Variants in TWIST2 observed in about 807,000 individuals in gnomAD.
TWIST2 encodes twist-related protein 2.
In TWIST2, 1 loss-of-function variant was observed where a neutral mutation model predicts 11.6. The observed-to-expected ratio is 0.09, with a 90% CI of 0.03 to 0.41. The LOEUF (loss-of-function observed/expected upper bound fraction) is 0.41, where lower values mean the gene tolerates loss of function less well. Ranked by LOEUF, TWIST2 falls within the 10% of genes least tolerant of loss-of-function variation. The pLI, the probability that TWIST2 is intolerant of heterozygous loss-of-function variation, is 0.98. For synonymous variants in TWIST2, 87 were observed against 96.6 expected, an observed-to-expected ratio of 0.90 and a Z score of 0.58; for missense variants, 168 against 226.4, an observed-to-expected ratio of 0.74 and a Z score of 1.66.
chr2:238,898,777 A>G (rs1196168294), intron 1 of TWIST2, among the ~76,000 whole-genome samples: 1 of 152,210 alleles, frequency 6.6e-6, no homozygotes, highest in African/African-American at 2.4e-5. Context: ...TGGATGGGCA[A>G]AGTCCTGGAG....
chr2:238,858,992 A>C (rs1692379193), intron 1 of TWIST2, among the ~76,000 whole-genome samples: 1 of 152,110 alleles, frequency 6.6e-6, no homozygotes, highest in Admixed American at 6.5e-5. Flanking sequence ...CGGGTGGATC[A>C]CCTGAGGTCA....
intron 1 of TWIST2, among the ~76,000 whole-genome samples, chr2:238,896,861 G>T (rs922267825): frequency 1.2e-4 from 19 of 152,210 alleles, no homozygotes; most frequent in Non-Finnish European, 2.5e-4. Flanking sequence ...TCACAGGGCA[G>T]AAGCTTCCAC....
intron 1 of TWIST2, among the ~76,000 whole-genome samples, chr2:238,870,172 C>A (rs1372429621): frequency 5.5e-4 from 41 of 74,614 alleles, no homozygotes; most frequent in Non-Finnish European, 9.4e-4. Flanking sequence ...ACACACCACA[C>A]ACCCCACACA....
At chr2:238,871,688 C>G (rs1351863392) in intron 1 of TWIST2, among the ~76,000 whole-genome samples, 4 of 135,344 alleles carry the variant, frequency 3.0e-5, no homozygotes, top group Non-Finnish European at 6.2e-5. Context: ...CCAACACACA[C>G]ACACACACGA....
intron 1 of TWIST2, among the ~76,000 whole-genome samples, chr2:238,855,038 G>A (rs1160207414): frequency 1.3e-5 from 2 of 152,180 alleles, no homozygotes; most frequent in East Asian, 3.8e-4. Context: ...CTGGACCTGC[G>A]ACTTGTCCTT....
intron 1 of TWIST2, among the ~76,000 whole-genome samples, chr2:238,870,128 A>ACACACAC (rs1168187290): frequency 2.1e-5 from 2 of 97,076 alleles, no homozygotes; most frequent in African/African-American, 6.7e-5. Flanking sequence ...CACCCCCCAC[A>ACACACAC]CACACACCAC....
In TWIST2 at chr2:238,870,119, A is replaced by AC. The variant is rs1273512193; in HGVS notation, c.*35+21392dup. Among the ~76,000 whole-genome samples the AC allele has an allele frequency of 6.0e-4, 54 of 89,978 alleles. 5 individuals are homozygous for AC. Among genetic ancestry groups the AC allele is most frequent in the African/African-American group, 2.4e-3 (47 of 19,980 alleles). 59.0% of individuals were successfully genotyped at this position (89,978 alleles called of 152,430 possible). A position where few individuals can be genotyped will look rare whatever the true frequency, so the allele number is the denominator to read the frequency against. ...TGGTGTGTACACAGACACACCATAC[A>AC]CCCCCCACACACACACCACACCCCA... On this transcript the variant is annotated intron_variant, in intron 1 of 1. Coordinates refer to ENST00000612363, the MANE Select transcript of TWIST2 (RefSeq NM_001271893.4).
rs1464319650 is a variant in TWIST2, at chr2:238,864,994, C to G, written c.*35+16261C>G. 6.6e-6 allele frequency among the ~76,000 whole-genome samples: 1 copy of G among 152,182 alleles called. No individual in the cohort carries two copies. The highest frequency in any genetic ancestry group is 1.5e-5 in the Non-Finnish European group (1 of 68,016). ...GCCACCCGAGGGGCCTCTTCTCTCC[C>G]CCTGCAAACTGACATAAAGGGTTTG... On this transcript the variant is annotated intron_variant, in intron 1 of 1. Coordinates refer to ENST00000612363, the MANE Select transcript of TWIST2 (RefSeq NM_001271893.4). This position sits in a 1 kb window ranked among gnomAD's most constrained non-coding sequence, Gnocchi z 4.7.
intron 1 of TWIST2, among the ~76,000 whole-genome samples, chr2:238,860,875 T>C (rs36138153): frequency 0.29 from 44,007 of 151,816 alleles, 7,362 homozygotes; most frequent in Middle Eastern, 0.45. Context: ...GAGGTGGAGG[T>C]TGCAGTGAGC....
chr2:238,866,644 G>A lies in TWIST2; in HGVS notation c.*35+17911G>A, dbSNP rs1457105432. On this transcript the variant is annotated intron_variant, in intron 1 of 1. Coordinates refer to ENST00000612363, the MANE Select transcript of TWIST2 (RefSeq NM_001271893.4). The surrounding 1 kb of genome is among the most constrained non-coding windows in gnomAD (Gnocchi z 4.9). ...TGTACTCCAGCCTGGGTGACAGAGCGAGACTCCACCATGGAAAAAAAAAAG... is the reference window on the plus strand; with the variant it reads ...TGTACTCCAGCCTGGGTGACAGAGCAAGACTCCACCATGGAAAAAAAAAAG... Among the ~76,000 whole-genome samples the A allele has an allele frequency of 2.0e-5, 3 of 151,992 alleles. No homozygotes were observed. The highest frequency in any genetic ancestry group is 3.9e-4 in the East Asian group (2 of 5,180).
At chr2:238,861,552 C>T (rs943537425) in intron 1 of TWIST2, among the ~76,000 whole-genome samples, 3 of 152,030 alleles carry the variant, frequency 2.0e-5, no homozygotes, top group Non-Finnish European at 4.4e-5. Context: ...GGTAGTGTTC[C>T]GCCCTTGTCT....
Position 238,863,635 on chromosome 2 carries a change from T to C in TWIST2, c.*35+14902T>C, listed in dbSNP as rs916195873. Among the ~76,000 whole-genome samples, 4 of 152,162 alleles carry C rather than the reference T, an allele frequency of 2.6e-5. No homozygotes were observed. Among genetic ancestry groups the C allele is most frequent in the African/African-American group, 9.7e-5 (4 of 41,426 alleles). On this transcript the variant is annotated intron_variant, in intron 1 of 1. Coordinates refer to ENST00000612363, the MANE Select transcript of TWIST2 (RefSeq NM_001271893.4). The surrounding 1 kb of genome is among the most constrained non-coding windows in gnomAD (Gnocchi z 4.7). Reference sequence around the variant, plus strand: ...CTACGTAGTTGGGGATATCTGTTGTTAACCATAAACCACTTCAGCTTTGGG... The same window carrying C: ...CTACGTAGTTGGGGATATCTGTTGTCAACCATAAACCACTTCAGCTTTGGG...
intron 1 of TWIST2, among the ~76,000 whole-genome samples, chr2:238,850,682 TAATA>T (rs1456921318): frequency 6.6e-6 from 1 of 152,160 alleles, no homozygotes; most frequent in African/African-American, 2.4e-5. Context: ...GCAATACATG[TAATA>T]AATAAATAAA....
intron 1 of TWIST2, among the ~76,000 whole-genome samples, chr2:238,862,398 C>A (rs556844252): frequency 2.0e-5 from 3 of 152,132 alleles, no homozygotes; most frequent in Non-Finnish European, 2.9e-5. Flanking sequence ...GACAATTACC[C>A]CATATGGGCA....
chr2:238,871,478 T>C (rs1230170387), intron 1 of TWIST2, among the ~76,000 whole-genome samples: 64 of 33,732 alleles, frequency 1.9e-3, no homozygotes, highest in Middle Eastern at 0.024. Flanking sequence ...ACCACATCCC[T>C]CCCACACACA....
intron 1 of TWIST2, among the ~76,000 whole-genome samples, chr2:238,902,462 ATGTGTGG>A (rs2106373537): frequency 7.0e-6 from 1 of 142,246 alleles, no homozygotes; most frequent in African/African-American, 2.6e-5. Flanking sequence ...GAATTGGGGT[ATGTGTGG>A]TGTGAGGTGT....
intron 1 of TWIST2, among the ~76,000 whole-genome samples, chr2:238,909,187 A>AGGTT (rs1693411432): frequency 1.5e-5 from 1 of 67,916 alleles, no homozygotes. Flanking sequence ...AGTGTGTGGT[A>AGGTT]TGTTTGGTGT....
chr2:238,866,972 C>T lies in TWIST2; in HGVS notation c.*35+18239C>T, dbSNP rs1357862761. Among the ~76,000 whole-genome samples, 1 of 152,186 alleles carries T rather than the reference C, an allele frequency of 6.6e-6. No individual in the cohort carries two copies. Among genetic ancestry groups the T allele is most frequent in the Non-Finnish European group, 1.5e-5 (1 of 68,042 alleles). ...ATGGAGGGAGCCTCTGTTTCCCCAC[C>T]AAGTACACCAAGAAACTACACTGTG... is the stretch of plus-strand genomic sequence containing the variant. On this transcript the variant is annotated intron_variant, in intron 1 of 1. Transcript: ENST00000612363. The surrounding 1 kb of genome is among the most constrained non-coding windows in gnomAD (Gnocchi z 4.9).
chr2:238,871,345 C>A (rs1381473133), intron 1 of TWIST2, among the ~76,000 whole-genome samples: 2 of 67,752 alleles, frequency 3.0e-5, no homozygotes, highest in African/African-American at 6.2e-5. Context: ...CCACACACCA[C>A]ACCCCACACA....
Sources: gnomAD v4.1 joint callset for allele counts (sites outside exome capture counted in the v4.1 genomes callset) on GRCh38, gnomAD v4.1.1 for gene constraint, Gnocchi (gnomAD v3.1) non-coding constraint, MANE v1.5 for transcripts, NCBI Gene and HGNC (gene_info 2026-07-23, HGNC 2026-07-21) for gene names.